Variants in MLIP observed in about 807,000 individuals in gnomAD.
MLIP encodes muscular LMNA interacting protein, also known as muscular LMNA-interacting protein.
A neutral mutation model predicts 84.8 loss-of-function variants in MLIP; 79 were observed. That is an observed-to-expected ratio of 0.93 (90% CI 0.78 to 1.12). The LOEUF (loss-of-function observed/expected upper bound fraction) is 1.12, where lower values mean the gene tolerates loss of function less well. Ranked by LOEUF, MLIP falls within the 50% of genes most tolerant of loss-of-function variation. The pLI, the probability that MLIP is intolerant of heterozygous loss-of-function variation, is 0.00. For missense variants in MLIP, 1,257 were observed against 1,160.6 expected (o/e 1.08, Z -1.21); for synonymous variants, 504 against 463.0 (o/e 1.09, Z -1.14).
intron 1 of MLIP, among the ~76,000 whole-genome samples, chr6:54,038,170 A>C (rs1582006641): frequency 6.6e-6 from 1 of 151,962 alleles, no homozygotes; most frequent in East Asian, 1.9e-4. Flanking sequence ...ATCCATCAGT[A>C]GATATTTGTT....
At chr6:54,095,338 G>A (rs1283538253) in intron 1 of MLIP, among the ~76,000 whole-genome samples, 2 of 152,160 alleles carry the variant, frequency 1.3e-5, no homozygotes, top group Non-Finnish European at 2.9e-5. Flanking sequence ...CTCAGAAGGA[G>A]TCAGGACAAA....
In MLIP at chr6:54,118,298, C is replaced by T. The variant is rs371931129; in HGVS notation, c.97-3149C>T. Among the ~76,000 whole-genome samples, 326 of 152,298 alleles carry T rather than the reference C, an allele frequency of 2.1e-3. 2 individuals carry two copies. Among genetic ancestry groups the T allele is most frequent in the African/African-American group, 7.5e-3 (311 of 41,574 alleles). On this transcript the variant is annotated intron_variant, in intron 1 of 13. Coordinates refer to ENST00000502396, the MANE Select transcript of MLIP (RefSeq NM_001281747.2). ...TACAAAGCTATAGTAACCAAAATAG[C>T]ATGATGCTGGCGTAAAAACCAACAC...
chr6:54,116,388 A>G (rs570331470), intron 1 of MLIP, among the ~76,000 whole-genome samples: 2 of 152,370 alleles, frequency 1.3e-5, no homozygotes, highest in African/African-American at 4.8e-5. Context: ...AGACAAATAA[A>G]TAGAATCAGA....
Position 54,258,632 on chromosome 6 carries a change from G to T in MLIP, c.2976+1271G>T, listed in dbSNP as rs541759320. On this transcript the variant is annotated intron_variant, in intron 13 of 13. Transcript: ENST00000502396. ...TAATATCTGTCTCCATGCAGTCTTG[G>T]CAGCATTGAGAATTATTATAATTCC... 2.0e-5 allele frequency among the ~76,000 whole-genome samples: 3 copies of T among 152,038 alleles called. No homozygotes were observed. In the South Asian group the frequency reaches 6.2e-4, roughly 32 times the overall value.
At chr6:54,227,381 T>C (rs1469739403) in intron 11 of MLIP, among the ~76,000 whole-genome samples, 1 of 152,144 alleles carries the variant, frequency 6.6e-6, no homozygotes, top group East Asian at 1.9e-4. Flanking sequence ...ATTTGAGGAC[T>C]ATCTAAAAAA....
At chr6:54,072,231 A>T (rs1200673077) in intron 1 of MLIP, among the ~76,000 whole-genome samples, 2 of 152,054 alleles carry the variant, frequency 1.3e-5, no homozygotes, top group African/African-American at 2.4e-5. Flanking sequence ...TGATTTCATC[A>T]CCCTTTCCCT....
At chr6:54,033,094 C>T (rs1394839625) in intron 1 of MLIP, among the ~76,000 whole-genome samples, 2 of 151,890 alleles carry the variant, frequency 1.3e-5, no homozygotes, top group East Asian at 3.9e-4. Flanking sequence ...AAACCAAATC[C>T]CTGTTGATTG....
intron 1 of MLIP, among the ~76,000 whole-genome samples, chr6:54,040,064 A>T (rs1210609244): frequency 6.6e-6 from 1 of 151,980 alleles, no homozygotes; most frequent in Non-Finnish European, 1.5e-5. Context: ...AGGTTGAGAT[A>T]TTGTCTCTCA....
chr6:54,258,401 C>A (rs1403110420), intron 13 of MLIP, among the ~76,000 whole-genome samples: 2 of 152,004 alleles, frequency 1.3e-5, no homozygotes. Context: ...TTTGCTGTAA[C>A]ATTAGTCATT....
Position 54,257,312 on chromosome 6 carries a change from G to A in MLIP, c.2927G>A (p.Ser976Asn), listed in dbSNP as rs1415709360. The change falls in exon 13 of 14, where the codon AGT becomes AAT. Residue 976 changes from serine to asparagine, a missense_variant. By Grantham distance (46) the Ser-to-Asn change is conservative. Transcript: ENST00000502396. ...LLSHNACNKL[S>N]HPMVAIPEHE... The stretch of plus-strand genomic sequence containing the variant: ...CTGGGCATCTTTTCTGTGAAGCTGA[G>A]TCATCCAATGGTGGCTATTCCTGAA... 6.2e-7 allele frequency: 1 copy of A among 1,612,076 alleles called. No individual in the cohort carries two copies. The highest frequency in any genetic ancestry group is 1.3e-5 in the African/African-American group (1 of 74,792).
intron 5 of MLIP, among the ~76,000 whole-genome samples, chr6:54,157,008 G>A (rs930098584): frequency 9.2e-5 from 14 of 152,062 alleles, no homozygotes; most frequent in African/African-American, 3.1e-4. Context: ...TAGGAATTCT[G>A]TAAGTGAACT....
intron 1 of MLIP, among the ~76,000 whole-genome samples, chr6:54,075,881 A>C (rs1299966830): frequency 6.6e-6 from 1 of 152,204 alleles, no homozygotes; most frequent in Non-Finnish European, 1.5e-5. Flanking sequence ...TTCAAAACCA[A>C]TCTAAGACTT....
chr6:54,199,961 T>G (rs1476393229), intron 10 of MLIP, among the ~76,000 whole-genome samples: 1 of 151,940 alleles, frequency 6.6e-6, no homozygotes, highest in Non-Finnish European at 1.5e-5. Context: ...ACGTGGAAAA[T>G]CTGGTAGAGT....
intron 12 of MLIP, among the ~76,000 whole-genome samples, 180 bp downstream of exon 12, chr6:54,231,097 T>A (rs778422526): frequency 6.6e-6 from 1 of 152,140 alleles, no homozygotes. Context: ...CAGATAATAA[T>A]TGAACTTGGG....
At chr6:54,089,474 G>A (rs1020483645) in intron 1 of MLIP, among the ~76,000 whole-genome samples, 3 of 151,956 alleles carry the variant, frequency 2.0e-5, no homozygotes, top group African/African-American at 7.2e-5. Context: ...TATACATTTC[G>A]ATTTTGAGCA....
chr6:54,045,627 T>A (rs753417906), intron 1 of MLIP: 1 of 152,160 alleles, frequency 6.6e-6, no homozygotes, highest in Non-Finnish European at 1.5e-5. Context: ...GGGAGGTGAC[T>A]GGATCATGGG....
In MLIP at chr6:54,137,461, A is replaced by G. The variant is rs993036623; in HGVS notation, c.1392A>G (p.Lys464=). 4 of 1,535,736 alleles carry G rather than the reference A, an allele frequency of 2.6e-6. No individual in the cohort carries two copies. The highest frequency in any genetic ancestry group is 1.4e-5 in the African/African-American group (1 of 72,910). Residue 464 remains lysine (K), a synonymous_variant, in exon 4 of 14, where the codon AAA becomes AAG. Coordinates refer to ENST00000502396, the MANE Select transcript of MLIP (RefSeq NM_001281747.2). ...AGCAGACCCCACCCACGCCTAAAAA[A>G]TCTCTCTCAAGTTGTTCCCTGAGAG... ...KEKQTPPTPK[K]SLSSCSLRAG... is the part of the protein sequence containing the mutation.
At chr6:54,098,078 T>G (rs1195401479) in intron 1 of MLIP, among the ~76,000 whole-genome samples, 3 of 151,274 alleles carry the variant, frequency 2.0e-5, no homozygotes, top group Non-Finnish European at 2.9e-5. Context: ...GAGAAGAGAG[T>G]CATGGAGGAG....
chr6:54,173,772 A>G (rs981486711), intron 9 of MLIP, among the ~76,000 whole-genome samples: 8 of 151,966 alleles, frequency 5.3e-5, no homozygotes, highest in African/African-American at 1.7e-4. Flanking sequence ...CAATTAAATT[A>G]TTATTGACTA....
Sources: gnomAD v4.1 joint callset for allele counts (sites outside exome capture counted in the v4.1 genomes callset) on GRCh38, gnomAD v4.1.1 for gene constraint, MANE v1.5 for transcripts, NCBI Gene and HGNC (gene_info 2026-07-23, HGNC 2026-07-21) for gene names.